Variants in DPYD observed in about 807,000 individuals in gnomAD.
DPYD encodes the protein dihydropyrimidine dehydrogenase.
DPYD carries 109 observed loss-of-function variants against 116.2 expected under a neutral mutation model. The ratio of observed to expected loss-of-function variants is 0.94; its 90% confidence interval spans 0.80 to 1.10. The LOEUF is 1.10. Among genes scored for constraint, DPYD ranks in the 50% least tolerant of loss-of-function variants. The pLI, the probability that DPYD is intolerant of heterozygous loss-of-function variation, is 0.00. For synonymous variants in DPYD, 440 were observed against 432.0 expected (o/e 1.02, Z -0.23); for missense variants, 1,302 against 1,254.5 (o/e 1.04, Z -0.57).
At chr1:97,314,873 G>A (rs890179565) in intron 16 of DPYD, among the ~76,000 whole-genome samples, 1 of 151,932 alleles carries the variant, frequency 6.6e-6, no homozygotes, top group Non-Finnish European at 1.5e-5. Context: ...ACAGTTTCAT[G>A]TGCTATTCTA....
chr1:97,832,956 A>G (rs1669606097), intron 2 of DPYD, among the ~76,000 whole-genome samples: 1 of 151,810 alleles, frequency 6.6e-6, no homozygotes, highest in East Asian at 1.9e-4. Context: ...AATTCAACCA[A>G]ACACCTACTG....
intron 12 of DPYD, among the ~76,000 whole-genome samples, chr1:97,542,365 T>C (rs1210483629): frequency 2.0e-5 from 3 of 151,960 alleles, no homozygotes; most frequent in Non-Finnish European, 4.4e-5. Flanking sequence ...CAACAAAAGG[T>C]TTTATTGTTT....
At chr1:97,258,717 G>A (rs1663677432) in intron 18 of DPYD, among the ~76,000 whole-genome samples, 4 of 152,098 alleles carry the variant, frequency 2.6e-5, no homozygotes, top group African/African-American at 7.2e-5. Context: ...AGAAGTGAGA[G>A]GGCCTCTGAG....
At chr1:97,535,073 G>T (rs1461493067) in intron 12 of DPYD, among the ~76,000 whole-genome samples, 1 of 152,052 alleles carries the variant, frequency 6.6e-6, no homozygotes, top group East Asian at 1.9e-4. Context: ...AAGGCAACAT[G>T]ATATTCCCAA....
At chr1:97,472,714 G>T (rs1005618376) in intron 13 of DPYD, among the ~76,000 whole-genome samples, 1 of 152,088 alleles carries the variant, frequency 6.6e-6, no homozygotes, top group Non-Finnish European at 1.5e-5. Context: ...TTGGGAATTT[G>T]ATTATAAAAC....
chr1:97,514,171 CT>C, intron 13 of DPYD: 2 of 983,048 alleles, frequency 2.0e-6, no homozygotes, highest in Non-Finnish European at 2.4e-6. Context: ...AGGAAGTTAG[CT>C]TCCACATTTA....
At chr1:97,898,663 T>C (rs1173230349) in intron 1 of DPYD, among the ~76,000 whole-genome samples, 3 of 151,914 alleles carry the variant, frequency 2.0e-5, no homozygotes, top group Non-Finnish European at 4.4e-5. Context: ...TTTGACTGTG[T>C]CCCCAACCAA....
intron 14 of DPYD, among the ~76,000 whole-genome samples, chr1:97,382,764 T>C (rs889710403): frequency 1.3e-5 from 2 of 152,162 alleles, no homozygotes; most frequent in Non-Finnish European, 2.9e-5. Flanking sequence ...TTACTGGCTT[T>C]GCCATCCTCT....
intron 11 of DPYD, among the ~76,000 whole-genome samples, chr1:97,563,609 C>G (rs1236348635): frequency 6.6e-6 from 1 of 152,082 alleles, no homozygotes; most frequent in African/African-American, 2.4e-5. Context: ...AGTAGTGAAA[C>G]CTGGAAAATA....
intron 6 of DPYD, among the ~76,000 whole-genome samples, chr1:97,695,997 G>A (rs896488582): frequency 6.6e-6 from 1 of 151,982 alleles, no homozygotes; most frequent in African/African-American, 2.4e-5. Context: ...AGGCATGGTG[G>A]TGCATGCCTG....
intron 19 of DPYD, among the ~76,000 whole-genome samples, chr1:97,209,252 T>C (rs189936946): frequency 8.9e-4 from 136 of 152,260 alleles, no homozygotes; most frequent in African/African-American, 3.2e-3. Context: ...GGTAAATAAA[T>C]ACAGGTAAGT....
chr1:97,503,794 GA>G (rs896179165), intron 13 of DPYD, among the ~76,000 whole-genome samples: 83 of 150,128 alleles, frequency 5.5e-4, no homozygotes, highest in African/African-American at 1.9e-3. Flanking sequence ...ACAAAATCCA[GA>G]AAAAAAAATC....
At chr1:97,578,596 T>C (rs1012919349) in intron 10 of DPYD, among the ~76,000 whole-genome samples, 2 of 152,190 alleles carry the variant, frequency 1.3e-5, no homozygotes, top group Non-Finnish European at 2.9e-5. Flanking sequence ...CGAAATCCTA[T>C]GTGATCTTCA....
intron 3 of DPYD, among the ~76,000 whole-genome samples, chr1:97,744,455 AT>A (rs1664437233): frequency 6.6e-6 from 1 of 152,010 alleles, no homozygotes; most frequent in Non-Finnish European, 1.5e-5. Flanking sequence ...AAAAATAATA[AT>A]AAAAAAACAC....
chr1:97,837,644 C>T lies in DPYD; in HGVS notation c.151-9448G>A, dbSNP rs192906975. Among the ~76,000 whole-genome samples, 822 of 151,912 alleles carry T rather than the reference C, an allele frequency of 5.4e-3. 7 individuals carry two copies. Among genetic ancestry groups the T allele is most frequent in the African/African-American group, 0.018 (731 of 41,424 alleles). ...GACAGTTATTTCAAAAGTTTGGAAC[C>T]GAATAAATAATTCATATTTCCCAGA... On this transcript the variant is annotated intron_variant, in intron 2 of 22. Coordinates refer to ENST00000370192, the MANE Select transcript of DPYD (RefSeq NM_000110.4).
chr1:97,290,831 C>A (rs1304838992), intron 18 of DPYD, among the ~76,000 whole-genome samples: 1 of 152,160 alleles, frequency 6.6e-6, no homozygotes, highest in East Asian at 1.9e-4. Context: ...CCAGAGTTAA[C>A]AAATGGGATC....
intron 3 of DPYD, among the ~76,000 whole-genome samples, chr1:97,820,913 A>G (rs936002834): frequency 3.9e-5 from 6 of 152,132 alleles, no homozygotes; most frequent in African/African-American, 1.4e-4. Context: ...AAAACTCCCA[A>G]TAGTATTTTT....
intron 1 of DPYD, among the ~76,000 whole-genome samples, chr1:97,909,906 C>T (rs1200125517): frequency 2.0e-5 from 3 of 152,106 alleles, no homozygotes; most frequent in Non-Finnish European, 2.9e-5. Context: ...TGATTTCAAA[C>T]TGAATGCCAT....
chr1:97,200,441 G>C (rs1210179721), intron 19 of DPYD, among the ~76,000 whole-genome samples: 1 of 152,104 alleles, frequency 6.6e-6, no homozygotes, highest in Non-Finnish European at 1.5e-5. Context: ...TAATAACTGA[G>C]TTATGTATCT....
Sources: gnomAD v4.1 joint callset for allele counts (sites outside exome capture counted in the v4.1 genomes callset) on GRCh38, gnomAD v4.1.1 for gene constraint, MANE v1.5 for transcripts, NCBI Gene and HGNC (gene_info 2026-07-23, HGNC 2026-07-21) for gene names.